PTPRD: variants seen among roughly 807,000 people sequenced by gnomAD.
The protein encoded by PTPRD is protein tyrosine phosphatase receptor type D.
Under a neutral mutation model 214.5 loss-of-function variants are expected in PTPRD, and 34 were observed. The ratio of observed to expected loss-of-function variants is 0.16; its 90% CI spans 0.12 to 0.21. The LOEUF (loss-of-function observed/expected upper bound fraction) is 0.21. PTPRD is among the 10% of genes least tolerant of loss of function. PTPRD has a pLI of 1.00. For synonymous variants in PTPRD, 1,128 were observed against 845.7 expected (o/e 1.33, Z -5.79); for missense variants, 2,545 against 2,398.7 (o/e 1.06, Z -1.27).
intron 12 of PTPRD, among the ~76,000 whole-genome samples, chr9:8,681,502 G>A (rs979929510): frequency 2.0e-5 from 3 of 152,120 alleles, no homozygotes; most frequent in Non-Finnish European, 4.4e-5. Context: ...TTTTTCCACT[G>A]AGAGAAGCAC....
intron 9 of PTPRD, among the ~76,000 whole-genome samples, chr9:9,356,605 A>G (rs543976386): frequency 1.3e-5 from 2 of 151,516 alleles, no homozygotes; most frequent in Middle Eastern, 6.8e-3. Context: ...TGTTGGAAAA[A>G]GTAGTGATGG....
At chr9:8,456,038 A>G (rs976122244) in intron 33 of PTPRD, among the ~76,000 whole-genome samples, 3 of 152,180 alleles carry the variant, frequency 2.0e-5, no homozygotes, top group Non-Finnish European at 4.4e-5. Flanking sequence ...CTTGCCAGCC[A>G]AAATAAAGTT....
chr9:9,998,121 A>ATAT lies in PTPRD; in HGVS notation c.-472+35596_-472+35597insATA, dbSNP rs1326721044. Reference sequence around the variant, plus strand: ...CCTAGAACTTAAAGTATAATAAAAAAAAAAAAAAATATATATATATATATA... The same window carrying ATAT: ...CCTAGAACTTAAAGTATAATAAAAAATATAAAAAAAAATATATATATATATATA... On this transcript the variant is annotated intron_variant, in intron 4 of 45. Coordinates refer to ENST00000381196, the MANE Select transcript of PTPRD (RefSeq NM_002839.4). Among the ~76,000 whole-genome samples, 465 of 50,228 alleles carry ATAT rather than the reference A, an allele frequency of 9.3e-3. 7 individuals are homozygous for ATAT. Among genetic ancestry groups the ATAT allele is most frequent in the Admixed American group, 0.016 (83 of 5,206 alleles). 33.0% of individuals were successfully genotyped at this position (50,228 alleles called of 152,430 possible).
chr9:8,640,195 C>T (rs550036128), intron 12 of PTPRD, among the ~76,000 whole-genome samples: 1 of 152,192 alleles, frequency 6.6e-6, no homozygotes, highest in South Asian at 2.1e-4. Flanking sequence ...TTACAAAGTG[C>T]TGGAATTACA....
At chr9:9,071,688 C>G (rs80337880) in intron 10 of PTPRD, among the ~76,000 whole-genome samples, 2,886 of 152,188 alleles carry the variant, frequency 0.019, 40 homozygotes, top group Middle Eastern at 0.058. Context: ...CCAATCAAAC[C>G]TACAGATGAA....
chr9:9,564,608 A>G (rs988692498), intron 8 of PTPRD, among the ~76,000 whole-genome samples: 1 of 151,934 alleles, frequency 6.6e-6, no homozygotes, highest in Admixed American at 6.6e-5. Flanking sequence ...CAATTTTCAA[A>G]CTTACTGAAC....
chr9:10,368,761 G>A (rs1217809801), intron 2 of PTPRD, among the ~76,000 whole-genome samples: 1 of 152,040 alleles, frequency 6.6e-6, no homozygotes, highest in African/African-American at 2.4e-5. Flanking sequence ...AACTCAGCCT[G>A]GGCATAATTA....
intron 3 of PTPRD, among the ~76,000 whole-genome samples, chr9:10,197,564 G>A (rs1469365518): frequency 2.0e-5 from 3 of 152,198 alleles, no homozygotes; most frequent in Middle Eastern, 3.4e-3. Flanking sequence ...TAAGAGGTAC[G>A]TTTTGACTGT....
chr9:8,599,562 C>T (rs947465622), intron 14 of PTPRD, among the ~76,000 whole-genome samples: 17 of 149,672 alleles, frequency 1.1e-4, no homozygotes, highest in African/African-American at 3.5e-4. Context: ...AAAGGGGGAA[C>T]GCAAGATGGA....
intron 8 of PTPRD, among the ~76,000 whole-genome samples, chr9:9,485,776 G>T (rs1462009448): frequency 6.6e-6 from 1 of 151,994 alleles, no homozygotes; most frequent in Non-Finnish European, 1.5e-5. Flanking sequence ...TCATTCAGTG[G>T]ATTATTCTGT....
rs567258534 is a variant in PTPRD, at chr9:8,396,735, C to G, written c.4211-7328G>C. Among the ~76,000 whole-genome samples, 3 of 152,214 alleles carry G rather than the reference C, an allele frequency of 2.0e-5. No individual in the cohort carries two copies. The East Asian group carries it at 5.8e-4, about 29-fold the overall frequency. ...AGGAGCTAGGGAATAACAGATATAA[C>G]AGCACTTGCTTGGCTACATGTAAGA... On this transcript the variant is annotated intron_variant, in intron 36 of 45. Coordinates refer to ENST00000381196, the MANE Select transcript of PTPRD (RefSeq NM_002839.4).
At chr9:10,572,559 T>C (rs1386370327) in intron 2 of PTPRD, among the ~76,000 whole-genome samples, 1 of 152,302 alleles carries the variant, frequency 6.6e-6, no homozygotes, top group Non-Finnish European at 1.5e-5. Flanking sequence ...GTGAAATCCA[T>C]AGCATAAAGC....
chr9:8,711,658 C>A (rs1183484482), intron 12 of PTPRD, among the ~76,000 whole-genome samples: 1 of 152,144 alleles, frequency 6.6e-6, no homozygotes, highest in African/African-American at 2.4e-5. Context: ...AGCCCAGACC[C>A]CATCTACAGA....
At chr9:8,560,078 C>T (rs1749689219) in intron 14 of PTPRD, among the ~76,000 whole-genome samples, 1 of 152,096 alleles carries the variant, frequency 6.6e-6, no homozygotes, top group African/African-American at 2.4e-5. Context: ...AAATCCAAAA[C>T]TGATTTTACT....
chr9:8,382,374 A>C (rs996853294), intron 37 of PTPRD, among the ~76,000 whole-genome samples: 6 of 152,230 alleles, frequency 3.9e-5, no homozygotes, highest in Non-Finnish European at 7.3e-5. Flanking sequence ...ACATGAATGC[A>C]GAGAATGAGA....
At chr9:9,622,413 C>T (rs190388595) in intron 7 of PTPRD, among the ~76,000 whole-genome samples, 32 of 152,290 alleles carry the variant, frequency 2.1e-4, no homozygotes, top group African/African-American at 7.5e-4. Flanking sequence ...GATTAATATA[C>T]AGGAGATGAA....
At chr9:9,196,620 A>T (rs2099938795) in intron 9 of PTPRD, among the ~76,000 whole-genome samples, 2 of 152,324 alleles carry the variant, frequency 1.3e-5, no homozygotes, top group African/African-American at 4.8e-5. Context: ...CTTACAGGTA[A>T]TATGCACTCA....
intron 7 of PTPRD, among the ~76,000 whole-genome samples, chr9:9,586,698 A>G (rs979413842): frequency 5.9e-5 from 9 of 151,996 alleles, no homozygotes; most frequent in African/African-American, 2.2e-4. Flanking sequence ...TGATAAATGG[A>G]AAGAGATATA....
intron 11 of PTPRD, among the ~76,000 whole-genome samples, chr9:8,910,222 A>G (rs1052862919): frequency 6.6e-6 from 1 of 151,892 alleles, no homozygotes; most frequent in Admixed American, 6.6e-5. Flanking sequence ...TATTTTTAGT[A>G]GAGACGGGAT....
Sources: allele counts gnomAD v4.1 joint callset (sites outside exome capture counted in the v4.1 genomes callset), GRCh38; gene constraint gnomAD v4.1.1; transcripts MANE v1.5; gene names NCBI Gene and HGNC (gene_info 2026-07-23, HGNC 2026-07-21).